The following CDK8 variants were observed in gnomAD, a reference collection of about 807,000 sequenced individuals.
CDK8 encodes cyclin dependent kinase 8.
Under a neutral mutation model 71.5 loss-of-function variants are expected in CDK8, and 29 were observed. The ratio of observed to expected loss-of-function variants is 0.41; its 90% CI spans 0.30 to 0.55. The LOEUF (loss-of-function observed/expected upper bound fraction) is 0.55, where lower values mean the gene tolerates loss of function less well. CDK8 is among the 20% of genes least tolerant of loss of function. The pLI is 0.37. For synonymous variants in CDK8, 161 were observed against 192.1 expected, an observed-to-expected ratio of 0.84 and a Z score of 1.34; for missense variants, 288 against 572.6, an observed-to-expected ratio of 0.50 and a Z score of 5.07.
At chr13:26,284,862 G>C (rs1477856131) in intron 1 of CDK8, among the ~76,000 whole-genome samples, 2 of 151,726 alleles carry the variant, frequency 1.3e-5, no homozygotes, top group African/African-American at 4.8e-5. Context: ...GGCAGCAAGT[G>C]GGGGAGGGAG....
In CDK8 at chr13:26,257,353, T is replaced by C. The variant is rs185392043; in HGVS notation, c.128+2584T>C. 6.6e-4 allele frequency among the ~76,000 whole-genome samples: 100 copies of C among 152,326 alleles called. 1 individual carries two copies. The highest frequency in any genetic ancestry group is 1.1e-3 in the Non-Finnish European group (76 of 68,002). ...GTAAAATAATTTAGACCAGAGAAGT[T>C]AGCTGCTTAAATTATTAAGTTTTAG... On this transcript the variant is annotated intron_variant, in intron 1 of 12. Transcript: ENST00000381527.
chr13:26,374,306 GAGA>G (rs531025403), intron 4 of CDK8, among the ~76,000 whole-genome samples: 11 of 152,030 alleles, frequency 7.2e-5, no homozygotes, highest in Non-Finnish European at 1.6e-4. Context: ...AGTAAGTAGG[GAGA>G]AGAATTTTCT....
chr13:26,313,948 A>C (rs995727414), intron 1 of CDK8, among the ~76,000 whole-genome samples: 1 of 152,172 alleles, frequency 6.6e-6, no homozygotes, highest in Non-Finnish European at 1.5e-5. Context: ...TGAACCACAG[A>C]GTTTGGCAAG....
In CDK8 at chr13:26,404,019, A is replaced by G. The variant is rs373545283; in HGVS notation, c.1333A>G (p.Met445Val). The change falls in exon 13 of 13, where the codon ATG (methionine) becomes GTG (valine). Residue 445 changes from methionine to valine, a missense_variant. Met to Val is a conservative substitution (Grantham distance 21). Transcript: ENST00000381527. The part of the protein sequence containing the change: ...GPSTSQPQSS[M>V]GYSATSQQPP... ...AAGCACATCACAGCCGCAGAGCAGC[A>G]TGGGATACTCAGCTACCTCCCAGCA... is the stretch of plus-strand genomic sequence containing the variant. 2.0e-5 allele frequency: 33 copies of G among 1,614,012 alleles called. No individual in the cohort carries two copies. The highest frequency in any genetic ancestry group is 4.4e-5 in the South Asian group (4 of 91,078).
rs531487346 is a variant in CDK8 at position 26,294,588 on chromosome 13, G to A, written c.128+39819G>A. On this transcript the variant is annotated intron_variant, in intron 1 of 12. Coordinates refer to ENST00000381527, the MANE Select transcript of CDK8 (RefSeq NM_001260.3). ...ATCCTCACGAACACTTGTCTTTTTG[G>A]TATTAGCCACTCTAACAGATAGGAA... Among the ~76,000 whole-genome samples the A allele has an allele frequency of 2.0e-5, 3 of 152,146 alleles. No individual in the cohort carries two copies. In the South Asian group the frequency reaches 6.2e-4, roughly 32 times the overall value.
At chr13:26,365,545 A>C (rs1273939728) in intron 4 of CDK8, among the ~76,000 whole-genome samples, 1 of 152,144 alleles carries the variant, frequency 6.6e-6, no homozygotes, top group Non-Finnish European at 1.5e-5. Context: ...CTCACCAATC[A>C]AGAATGGTTA....
intron 2 of CDK8, 32 bp from the exon 3 acceptor site, chr13:26,349,040 G>T: frequency 8.1e-7 from 1 of 1,234,082 alleles, no homozygotes; most frequent in Non-Finnish European, 1.2e-6. Context: ...TTTTGTGACA[G>T]AAATAGTTAA....
chr13:26,393,605 G>A (rs950189269), intron 7 of CDK8, 95 bp downstream of exon 7: 3 of 1,251,716 alleles, frequency 2.4e-6, no homozygotes, highest in Non-Finnish European at 3.3e-6. Flanking sequence ...GCTGATGGAA[G>A]CTACTTTTAC....
At position 26,401,726 on chromosome 13, in the gene CDK8, A is replaced by T; in HGVS notation, c.1269+102A>T. 1 of 1,167,544 alleles carries T rather than the reference A, an allele frequency of 8.6e-7. No individual in the cohort carries two copies. The highest frequency in any genetic ancestry group is 1.9e-5 in the Admixed American group (1 of 53,478). 72.3% of individuals were successfully genotyped at this position (1,167,544 alleles called of 1,614,324 possible). ...AATTGAGAAATACTGACGTCTGTAT[A>T]CCCAGGGAAATACATTAACATGAAA... On this transcript the variant is annotated intron_variant, in intron 12 of 12. Transcript: ENST00000381527. The surrounding 1 kb of genome is among the most constrained non-coding windows in gnomAD (Gnocchi z 4.5).
intron 1 of CDK8, among the ~76,000 whole-genome samples, chr13:26,308,623 G>C (rs1412199352): frequency 6.6e-6 from 1 of 152,216 alleles, no homozygotes; most frequent in Non-Finnish European, 1.5e-5. Flanking sequence ...GTAGATATTT[G>C]AGTTTGCTAT....
intron 1 of CDK8, among the ~76,000 whole-genome samples, chr13:26,282,636 T>C (rs889893244): frequency 1.3e-5 from 2 of 152,154 alleles, no homozygotes; most frequent in African/African-American, 4.8e-5. Flanking sequence ...TCTGATGACC[T>C]ACACAACAGT....
intron 1 of CDK8, among the ~76,000 whole-genome samples, chr13:26,323,533 G>C (rs1874890321): frequency 6.6e-6 from 1 of 152,062 alleles, no homozygotes; most frequent in African/African-American, 2.4e-5. Context: ...TGAAATTTGG[G>C]GGGAGACAGT....
In CDK8 at chr13:26,262,843, A is replaced by G. The variant is rs567321950; in HGVS notation, c.128+8074A>G. On this transcript the variant is annotated intron_variant, in intron 1 of 12. Transcript: ENST00000381527. ...TTACCTTTTGTTACATGAGTAAAAA[A>G]TTATTTAGACTAACTTCTATTCAAG... Among the ~76,000 whole-genome samples the G allele has an allele frequency of 2.6e-5, 4 of 152,306 alleles. No homozygotes were observed. In the South Asian group the frequency reaches 8.3e-4, roughly 32 times the overall value.
At chr13:26,374,489 TA>T (rs1200820174) in intron 4 of CDK8, among the ~76,000 whole-genome samples, 2 of 152,218 alleles carry the variant, frequency 1.3e-5, no homozygotes, top group Non-Finnish European at 2.9e-5. Context: ...ATATGATAAA[TA>T]GGCTGAATAT....
intron 3 of CDK8, among the ~76,000 whole-genome samples, chr13:26,350,441 C>G (rs1004059890): frequency 6.6e-6 from 1 of 152,064 alleles, no homozygotes; most frequent in African/African-American, 2.4e-5. Flanking sequence ...TTGAGACAAG[C>G]CTGGGTCACA....
intron 5 of CDK8, among the ~76,000 whole-genome samples, chr13:26,384,069 T>G (rs1412129635): frequency 2.6e-5 from 4 of 152,188 alleles, no homozygotes; most frequent in Non-Finnish European, 5.9e-5. Context: ...TAGGGAAAAT[T>G]TATGTAATAC....
chr13:26,339,778 A>G (rs1490684720), intron 2 of CDK8, among the ~76,000 whole-genome samples: 3 of 125,910 alleles, frequency 2.4e-5, no homozygotes, highest in Non-Finnish European at 3.5e-5. Context: ...TATATAGTGT[A>G]GTATATATCC....
intron 6 of CDK8, among the ~76,000 whole-genome samples, 198 bp from the exon 7 acceptor site, chr13:26,393,167 TTA>T (rs2138062443): frequency 6.6e-6 from 1 of 152,232 alleles, no homozygotes; most frequent in African/African-American, 2.4e-5. Flanking sequence ...GAATATATAC[TTA>T]TAATAATGTT....
intron 4 of CDK8, among the ~76,000 whole-genome samples, chr13:26,366,721 TCA>T (rs1874405439): frequency 6.6e-6 from 1 of 152,190 alleles, no homozygotes; most frequent in African/African-American, 2.4e-5. Context: ...TCTTTTCAGA[TCA>T]CAGACAGGCT....
Sources: allele counts gnomAD v4.1 joint callset (sites outside exome capture counted in the v4.1 genomes callset), GRCh38; gene constraint gnomAD v4.1.1; non-coding constraint Gnocchi (gnomAD v3.1); transcripts MANE v1.5; gene names NCBI Gene and HGNC (gene_info 2026-07-23, HGNC 2026-07-21).